Variants in PCNX2 observed in about 807,000 individuals in gnomAD.
The protein encoded by PCNX2 is pecanex-like protein 2.
Under a neutral mutation model 223.8 loss-of-function variants are expected in PCNX2, and 168 were observed. That is an observed-to-expected ratio of 0.75 (90% CI 0.66 to 0.85). The LOEUF is 0.85. Among genes scored for constraint, PCNX2 ranks in the 40% least tolerant of loss-of-function variants. The probability of loss-of-function intolerance (pLI) is 0.00; values close to 1 mark genes in which losing one functional copy is unlikely to be tolerated. For synonymous variants in PCNX2, 1,006 were observed against 1,052.6 expected (o/e 0.96, Z 0.86); for missense variants, 2,507 against 2,675.5 (o/e 0.94, Z 1.39).
chr1:233,204,127 G>A (rs1047121862), intron 13 of PCNX2, among the ~76,000 whole-genome samples: 1 of 152,124 alleles, frequency 6.6e-6, no homozygotes, highest in African/African-American at 2.4e-5. Flanking sequence ...TTAAGCTGAG[G>A]CCCTTAGGGT....
chr1:233,121,220 C>T (rs974251056), intron 21 of PCNX2, among the ~76,000 whole-genome samples: 19 of 151,996 alleles, frequency 1.3e-4, no homozygotes, highest in Admixed American at 4.6e-4. Context: ...GTTCATAGAC[C>T]GGAAGATCGA....
At chr1:233,141,898 G>C (rs1677150939) in intron 19 of PCNX2, among the ~76,000 whole-genome samples, 2 of 151,922 alleles carry the variant, frequency 1.3e-5, no homozygotes, top group Admixed American at 6.6e-5. Context: ...AGTCCTTCAA[G>C]ATATTGGAAA....
chr1:233,230,907 T>C (rs1319929386), intron 9 of PCNX2, among the ~76,000 whole-genome samples: 2 of 152,218 alleles, frequency 1.3e-5, no homozygotes, highest in Non-Finnish European at 2.9e-5. Context: ...AAAGACTATG[T>C]CTTCTGAGAT....
intron 10 of PCNX2, among the ~76,000 whole-genome samples, chr1:233,225,133 A>AT (rs1657630467): frequency 6.6e-6 from 1 of 151,294 alleles, no homozygotes; most frequent in Admixed American, 6.6e-5. Context: ...AAAAAAAAAA[A>AT]AAAAATGTTA....
At chr1:233,050,114 G>A (rs894148935) in intron 25 of PCNX2, among the ~76,000 whole-genome samples, 3 of 152,026 alleles carry the variant, frequency 2.0e-5, no homozygotes, top group African/African-American at 7.2e-5. Context: ...GGGAGGGATA[G>A]CATTAGGAGA....
At position 233,001,714 on chromosome 1, in the gene PCNX2, A is replaced by G; in HGVS notation, c.4953-33T>C. On this transcript the variant is annotated intron_variant, in intron 28 of 33. Coordinates refer to ENST00000258229, the MANE Select transcript of PCNX2 (RefSeq NM_014801.4). The surrounding 1 kb of genome is among the most constrained non-coding windows in gnomAD (Gnocchi z 4.2). ...ACAAAGTCCTATTACTATGGAACAAATTTCAGAATCCTGTCATTGTGAGCA... is the reference window on the plus strand; with the variant it reads ...ACAAAGTCCTATTACTATGGAACAAGTTTCAGAATCCTGTCATTGTGAGCA... The G allele has an allele frequency of 6.7e-7, 1 of 1,498,086 alleles. No individual in the cohort carries two copies. Among genetic ancestry groups the G allele is most frequent in the Non-Finnish European group, 9.0e-7 (1 of 1,114,208 alleles). 92.8% of individuals were successfully genotyped at this position (1,498,086 alleles called of 1,614,324 possible).
intron 25 of PCNX2, among the ~76,000 whole-genome samples, chr1:233,049,890 T>A (rs796215975): frequency 8.6e-5 from 13 of 151,044 alleles, no homozygotes; most frequent in African/African-American, 2.9e-4. Flanking sequence ...CACACACAAA[T>A]ACCTAAGAAT....
chr1:233,290,360 T>C (rs1029861135), intron 1 of PCNX2, among the ~76,000 whole-genome samples: 2 of 152,212 alleles, frequency 1.3e-5, no homozygotes, highest in Admixed American at 6.5e-5. Flanking sequence ...TAAAGTAGAA[T>C]AAGGGATCGC....
At position 233,258,015 on chromosome 1, in the gene PCNX2, C is replaced by T; in HGVS notation, c.1834+13G>A. The T allele has an allele frequency of 1.2e-6, 2 of 1,605,324 alleles. No homozygotes were observed. The highest frequency in any genetic ancestry group is 1.7e-6 in the Non-Finnish European group (2 of 1,173,718). On this transcript the variant is annotated intron_variant, in intron 5 of 33. Transcript: ENST00000258229. ...TATGTCATCATCAGAACGGAAATGA[C>T]ATGGAATCGCACCTCGGAGAAGCCC...
At chr1:233,261,363 T>G (rs749987026) in intron 3 of PCNX2, 42 bp from the exon 4 acceptor site, 2 of 1,589,832 alleles carry the variant, frequency 1.3e-6, no homozygotes, top group South Asian at 2.2e-5. Flanking sequence ...ATGACTCAGC[T>G]GACCGTCCAT....
intron 23 of PCNX2, among the ~76,000 whole-genome samples, chr1:233,088,791 G>C (rs2102936194): frequency 6.6e-6 from 1 of 152,254 alleles, no homozygotes; most frequent in African/African-American, 2.4e-5. Flanking sequence ...GGGTCAAGCT[G>C]GGACAGGAAC....
rs1237727337 is a variant in PCNX2 at position 233,025,250 on chromosome 1, G to A, written c.4501C>T (p.Gln1501Ter). The A allele has an allele frequency of 1.2e-6, 2 of 1,614,012 alleles. No homozygotes were observed. Among genetic ancestry groups the A allele is most frequent in the Admixed American group, 3.3e-5 (2 of 60,022 alleles). Residue 1501 changes from glutamine (Q) to a stop codon, truncating the protein, a stop_gained, in exon 26 of 34, where the codon CAG becomes TAG. Transcript: ENST00000258229. LOFTEE classifies it high-confidence loss of function. ...TAGCCCTCCAGGATGTACTGGGTCTGCGTGATTTCCCAGGTGAGCCAGCGG... is the reference window on the plus strand; with the variant it reads ...TAGCCCTCCAGGATGTACTGGGTCTACGTGATTTCCCAGGTGAGCCAGCGG... ...HLRWLTWEIT[Q>*]TQYILEGYSI...
Position 233,160,440 on chromosome 1 carries a change from T to C in PCNX2, c.3367-7A>G, listed in dbSNP as rs1017434081. On this transcript the variant is annotated splice_region_variant and splice_polypyrimidine_tract_variant and intron_variant, in intron 18 of 33. Coordinates refer to ENST00000258229, the MANE Select transcript of PCNX2 (RefSeq NM_014801.4). The stretch of plus-strand genomic sequence containing the variant: ...GCACGATGCTGAGAAATGGCTGCGA[T>C]AAAAATGGGCAGAATCTCATTACTT... 8.1e-6 allele frequency: 13 copies of C among 1,612,798 alleles called. No homozygotes were observed. The highest frequency in any genetic ancestry group is 2.7e-5 in the African/African-American group (2 of 74,894).
chr1:233,005,529 C>T (rs1670252125), intron 28 of PCNX2, among the ~76,000 whole-genome samples: 1 of 152,214 alleles, frequency 6.6e-6, no homozygotes. Flanking sequence ...GTGCTTCATG[C>T]TATTCCATTA....
In PCNX2 at chr1:233,208,132, T is replaced by A. The variant is rs148396352; in HGVS notation, c.2863+386A>T. On this transcript the variant is annotated intron_variant, in intron 13 of 33. Transcript: ENST00000258229. ...CAACATGCCTGGCTAATTTTTTGTA[T>A]CTTTTTAGTAGAGACGGGGTTTCAC... 9.9e-3 allele frequency among the ~76,000 whole-genome samples: 1,499 copies of A among 152,146 alleles called. 26 individuals are homozygous for A. Among genetic ancestry groups the A allele is most frequent in the African/African-American group, 0.034 (1,430 of 41,504 alleles).
chr1:233,166,689 C>G (rs1270678382), intron 17 of PCNX2, among the ~76,000 whole-genome samples: 2 of 152,160 alleles, frequency 1.3e-5, no homozygotes, highest in Non-Finnish European at 2.9e-5. Context: ...AAAATACCAT[C>G]AGCAAAATCA....
chr1:233,262,390 T>C (rs1186845545), intron 2 of PCNX2, among the ~76,000 whole-genome samples: 2 of 152,122 alleles, frequency 1.3e-5, no homozygotes, highest in Non-Finnish European at 2.9e-5. Context: ...GCTCCTGGAC[T>C]CAAGTGATCC....
At chr1:233,163,653 C>A (rs567378359) in intron 17 of PCNX2, among the ~76,000 whole-genome samples, 6 of 151,714 alleles carry the variant, frequency 4.0e-5, no homozygotes, top group African/African-American at 1.4e-4. Flanking sequence ...CTAGCACATC[C>A]ATTACACCCC....
intron 23 of PCNX2, among the ~76,000 whole-genome samples, chr1:233,078,937 G>A (rs1045087341): frequency 3.3e-5 from 5 of 152,058 alleles, no homozygotes; most frequent in East Asian, 1.9e-4. Flanking sequence ...TTCTTCATCC[G>A]TCAGCAAAAC....
Sources: allele counts gnomAD v4.1 joint callset (sites outside exome capture counted in the v4.1 genomes callset), GRCh38; gene constraint gnomAD v4.1.1; non-coding constraint Gnocchi (gnomAD v3.1); transcripts MANE v1.5; gene names NCBI Gene and HGNC (gene_info 2026-07-23, HGNC 2026-07-21).